Variants in AFF1 observed in about 807,000 individuals in gnomAD.
The protein encoded by AFF1 is AF4/FMR2 family member 1.
AFF1 carries 48 observed loss-of-function variants against 121.7 expected under a neutral mutation model. The observed-to-expected ratio is 0.39, with a 90% CI of 0.31 to 0.50. The LOEUF (loss-of-function observed/expected upper bound fraction) is 0.50. AFF1 is among the 20% of genes least tolerant of loss of function. AFF1 has a pLI of 0.76. For missense variants in AFF1, 1,523 were observed against 1,511.7 expected (o/e 1.01, Z -0.12); for synonymous variants, 613 against 563.0 (o/e 1.09, Z -1.26).
chr4:86,947,722 C>G (rs918670697), intron 1 of AFF1, among the ~76,000 whole-genome samples: 1 of 152,062 alleles, frequency 6.6e-6, no homozygotes, highest in Non-Finnish European at 1.5e-5. Flanking sequence ...CAAGATAGTA[C>G]CAAGACTATC....
In AFF1 at chr4:87,114,585, C is replaced by T. The variant is rs1460718162; in HGVS notation, c.1752C>T (p.Ala584=). The change falls in exon 12 of 21, where the codon GCC becomes GCT. Residue 584 remains alanine (A), a synonymous_variant. Transcript: ENST00000395146. ...AAGCCCCCCGGGCCCCACCCGAAGCCCCCCACCCCGGAAAGAGGAGCTGTC... is the reference window on the plus strand; with the variant it reads ...AAGCCCCCCGGGCCCCACCCGAAGCTCCCCACCCCGGAAAGAGGAGCTGTC... ...SSKAPRAPPE[A]PHPGKRSCQK... The T allele has an allele frequency of 6.2e-7, 1 of 1,608,404 alleles. No homozygotes were observed. Among genetic ancestry groups the T allele is most frequent in the Non-Finnish European group, 8.5e-7 (1 of 1,177,880 alleles).
chr4:87,059,549 C>T (rs1453762016), intron 4 of AFF1, among the ~76,000 whole-genome samples: 1 of 152,176 alleles, frequency 6.6e-6, no homozygotes, highest in Non-Finnish European at 1.5e-5. Context: ...CAGTATGCCA[C>T]ATTATTTCAC....
intron 4 of AFF1, among the ~76,000 whole-genome samples, chr4:87,048,624 G>A (rs1730960623): frequency 6.6e-6 from 1 of 152,302 alleles, no homozygotes; most frequent in East Asian, 1.9e-4. Context: ...AATTCCTCAG[G>A]TGGGGGCGTG....
chr4:87,124,056 G>A (rs1280986852), intron 12 of AFF1, among the ~76,000 whole-genome samples: 2 of 152,182 alleles, frequency 1.3e-5, no homozygotes, highest in African/African-American at 4.8e-5. Context: ...GAGGCCGTCA[G>A]GGAGTCTGCA....
chr4:87,122,132 A>G (rs1169076964), intron 12 of AFF1, among the ~76,000 whole-genome samples: 1 of 152,236 alleles, frequency 6.6e-6, no homozygotes, highest in Non-Finnish European at 1.5e-5. Flanking sequence ...TCAATTTAGT[A>G]TCGATCTGGA....
intron 2 of AFF1, among the ~76,000 whole-genome samples, chr4:86,999,621 A>C (rs1237645541): frequency 2.6e-5 from 4 of 152,208 alleles, no homozygotes; most frequent in Non-Finnish European, 4.4e-5. Flanking sequence ...TTACACATTT[A>C]GAGAGTTACT....
intron 4 of AFF1, 103 bp downstream of exon 4, chr4:87,047,697 T>G: frequency 6.8e-7 from 1 of 1,471,190 alleles, no homozygotes. Flanking sequence ...GTCCATGGCT[T>G]TTGGGTAGGG....
chr4:87,023,046 G>A (rs1233785950), intron 2 of AFF1, among the ~76,000 whole-genome samples: 2 of 139,318 alleles, frequency 1.4e-5, no homozygotes, highest in Non-Finnish European at 2.9e-5. Flanking sequence ...GGGACTACAG[G>A]CAGGCACACA....
At chr4:87,002,794 A>G (rs1364663931) in intron 2 of AFF1, among the ~76,000 whole-genome samples, 1 of 152,152 alleles carries the variant, frequency 6.6e-6, no homozygotes, top group Admixed American at 6.5e-5. Flanking sequence ...AGGGATTCTT[A>G]ACCTGAAATC....
chr4:87,070,282 G>A (rs1055488197), intron 4 of AFF1, among the ~76,000 whole-genome samples: 2 of 152,232 alleles, frequency 1.3e-5, no homozygotes, highest in African/African-American at 4.8e-5. Flanking sequence ...GAGTAGAGGC[G>A]TGAGCCACTG....
At chr4:86,994,279 C>G (rs1267323580) in intron 2 of AFF1, among the ~76,000 whole-genome samples, 1 of 152,262 alleles carries the variant, frequency 6.6e-6, no homozygotes. Flanking sequence ...GGTGCTGGCA[C>G]ACTGAGTTGG....
intron 2 of AFF1, among the ~76,000 whole-genome samples, chr4:86,980,300 A>G (rs963294760): frequency 6.6e-6 from 1 of 152,202 alleles, no homozygotes; most frequent in African/African-American, 2.4e-5. Flanking sequence ...ATAGCAAAAG[A>G]GTGGAAAAAT....
chr4:87,042,266 G>T (rs752300528), intron 2 of AFF1, among the ~76,000 whole-genome samples: 1 of 152,164 alleles, frequency 6.6e-6, no homozygotes, highest in African/African-American at 2.4e-5. Context: ...TTGCCTGGGA[G>T]CTTTTAACAG....
intron 12 of AFF1, among the ~76,000 whole-genome samples, chr4:87,118,932 G>A (rs1011943620): frequency 6.6e-6 from 1 of 152,208 alleles, no homozygotes; most frequent in Non-Finnish European, 1.5e-5. Flanking sequence ...GGGTTTATAT[G>A]CCTTCTAGAG....
intron 2 of AFF1, among the ~76,000 whole-genome samples, chr4:86,961,168 A>G (rs1560503439): frequency 1.3e-5 from 2 of 152,118 alleles, no homozygotes; most frequent in Non-Finnish European, 2.9e-5. Flanking sequence ...GAGTACAGAT[A>G]CCCATGAAAA....
chr4:87,053,332 T>C (rs1157013849), intron 4 of AFF1, among the ~76,000 whole-genome samples: 3 of 152,208 alleles, frequency 2.0e-5, no homozygotes, highest in African/African-American at 7.2e-5. Flanking sequence ...TGTACATTCA[T>C]TGTTGGACCA....
At chr4:87,128,936 C>T (rs909757009) in intron 16 of AFF1, among the ~76,000 whole-genome samples, 10 of 152,270 alleles carry the variant, frequency 6.6e-5, no homozygotes, top group Middle Eastern at 3.4e-3. Context: ...GTAAATATTT[C>T]GCACTGTCAG....
chr4:86,996,225 A>G (rs1725177754), intron 2 of AFF1, among the ~76,000 whole-genome samples: 12 of 152,264 alleles, frequency 7.9e-5, no homozygotes, highest in Admixed American at 6.5e-4. Flanking sequence ...TGGGAGGTGT[A>G]CCCAACAGCT....
chr4:87,137,302 G>T lies in AFF1; in HGVS notation c.*1601G>T. The T allele has an allele frequency of 4.4e-6, 1 of 227,680 alleles. No homozygotes were observed. Among genetic ancestry groups the T allele is most frequent in the East Asian group, 6.3e-5 (1 of 15,808 alleles). The allele number at this position is 227,680 out of a possible 1,614,324, so 14.1% of individuals were successfully genotyped here. A position where few individuals can be genotyped will look rare whatever the true frequency, so the allele number is the denominator to read the frequency against. ...TCACATTTTCCTATTAGTGGAGGAG[G>T]GAGAACCATATTTATTTATAATGAA... On this transcript the variant is annotated 3_prime_UTR_variant, in exon 21 of 21. Coordinates refer to ENST00000395146, the MANE Select transcript of AFF1 (RefSeq NM_001166693.3).
Sources: allele counts gnomAD v4.1 joint callset (sites outside exome capture counted in the v4.1 genomes callset), GRCh38; gene constraint gnomAD v4.1.1; transcripts MANE v1.5; gene names NCBI Gene and HGNC (gene_info 2026-07-23, HGNC 2026-07-21).